Variants in KLHL32 observed in about 807,000 individuals in gnomAD.
KLHL32 encodes the protein kelch-like protein 32.
Under a neutral mutation model 64.8 loss-of-function variants are expected in KLHL32, and 35 were observed. That is an observed-to-expected ratio of 0.54 (90% confidence interval 0.41 to 0.72). The LOEUF (loss-of-function observed/expected upper bound fraction) is 0.72. KLHL32 is among the 30% of genes least tolerant of loss of function. The pLI, the probability that KLHL32 is intolerant of heterozygous loss-of-function variation, is 0.00. For synonymous variants in KLHL32, 259 were observed against 281.0 expected (o/e 0.92, Z 0.78); for missense variants, 589 against 768.5 (o/e 0.77, Z 2.76).
chr6:96,906,322 T>C, the KLHL32 span, among the ~76,000 whole-genome samples: 1 of 152,090 alleles, frequency 6.6e-6, no homozygotes, highest in African/African-American at 2.4e-5. Context: ...ACAGCAAGAA[T>C]AAAGTTGGGG....
chr6:97,079,966 T>G (rs2128172872), intron 5 of KLHL32, among the ~76,000 whole-genome samples: 1 of 152,300 alleles, frequency 6.6e-6, no homozygotes, highest in South Asian at 2.1e-4. Flanking sequence ...ACTTACATTT[T>G]TAAGTCACAG....
chr6:97,109,209 T>C (rs1392180033), intron 6 of KLHL32, among the ~76,000 whole-genome samples: 2 of 152,186 alleles, frequency 1.3e-5, no homozygotes, highest in African/African-American at 2.4e-5. Context: ...GGTGACAAGA[T>C]GGTTAGTTGT....
At chr6:96,972,933 C>T (rs1379427739) in intron 2 of KLHL32, among the ~76,000 whole-genome samples, 3 of 152,286 alleles carry the variant, frequency 2.0e-5, no homozygotes, top group Non-Finnish European at 2.9e-5. Context: ...TGTGCCTTAA[C>T]ATTTAGAGGG....
At chr6:97,037,290 C>G (rs574388104) in intron 3 of KLHL32, among the ~76,000 whole-genome samples, 67 of 152,110 alleles carry the variant, frequency 4.4e-4, no homozygotes, top group Non-Finnish European at 7.8e-4. Context: ...ATAAAACTCT[C>G]TAATGCAGTG....
Position 96,980,916 on chromosome 6 carries a change from C to A in KLHL32, c.204+4739C>A, listed in dbSNP as rs182571551. On this transcript the variant is annotated intron_variant, in intron 3 of 10. Coordinates refer to ENST00000369261, the MANE Select transcript of KLHL32 (RefSeq NM_052904.4). ...TCACAGTTCTACAGGGCTGGGGAGA[C>A]CTCAATAAACTTACAATCATGGCAG... Among the ~76,000 whole-genome samples, 21 of 151,674 alleles carry A rather than the reference C, an allele frequency of 1.4e-4. No individual in the cohort carries two copies. The East Asian group carries it at 3.7e-3, about 27-fold the overall frequency.
chr6:97,091,981 CT>C (rs11340950), intron 6 of KLHL32, among the ~76,000 whole-genome samples: 47,028 of 132,236 alleles, frequency 0.36, 6,561 homozygotes, highest in South Asian at 0.46. Context: ...CTCTTTCTTT[CT>C]TTTTTTTTTT....
At chr6:97,118,607 G>A (rs550501974) in intron 7 of KLHL32, among the ~76,000 whole-genome samples, 6 of 92,170 alleles carry the variant, frequency 6.5e-5, no homozygotes, top group African/African-American at 2.5e-4. Flanking sequence ...CAAGAAAAGC[G>A]AAACTGCATC....
At chr6:97,130,706 C>G (rs767625250) in intron 8 of KLHL32, 51 bp from the exon 9 acceptor site, 1 of 1,483,832 alleles carries the variant, frequency 6.7e-7, no homozygotes, top group Non-Finnish European at 9.1e-7. Context: ...TTGCTGTTTT[C>G]TGACATGGAG....
chr6:96,931,770 A>G (rs927296368), intron 1 of KLHL32, among the ~76,000 whole-genome samples: 3 of 152,198 alleles, frequency 2.0e-5, no homozygotes, highest in African/African-American at 7.2e-5. Flanking sequence ...GAGATTGATT[A>G]TAGTGAGATG....
chr6:97,054,583 C>T (rs1414528489), intron 4 of KLHL32, among the ~76,000 whole-genome samples: 2 of 152,188 alleles, frequency 1.3e-5, no homozygotes, highest in Non-Finnish European at 2.9e-5. Context: ...AAAAGTTGCA[C>T]TAATTCAGGT....
intron 3 of KLHL32, among the ~76,000 whole-genome samples, chr6:97,022,651 G>A (rs1379729233): frequency 6.6e-6 from 1 of 151,382 alleles, no homozygotes; most frequent in Non-Finnish European, 1.5e-5. Context: ...TGTATTTTTA[G>A]TAGAGATGGG....
Position 96,953,449 on chromosome 6 carries a change from G to A in KLHL32, c.-65-13547G>A, listed in dbSNP as rs112431010. ...GTTCAAGACCAGCTTGACCAACATGGCGAAACCCTGTTTGTACTAAAAATA... is the reference window on the plus strand; with the variant it reads ...GTTCAAGACCAGCTTGACCAACATGACGAAACCCTGTTTGTACTAAAAATA... On this transcript the variant is annotated intron_variant, in intron 1 of 10. Transcript: ENST00000369261. 9.6e-3 allele frequency among the ~76,000 whole-genome samples: 1,462 copies of A among 152,162 alleles called. 41 individuals carry two copies. The highest frequency in any genetic ancestry group is 0.034 in the African/African-American group (1,404 of 41,502).
At chr6:96,923,550 T>C (rs850585), upstream of KLHL32, among the ~76,000 whole-genome samples, 88,778 of 151,880 alleles carry the variant, frequency 0.58, 26,509 homozygotes, top group African/African-American at 0.7. Flanking sequence ...ACAGATAACC[T>C]CCAGAGGGAG....
chr6:97,100,799 CTTTTT>C (rs763909891), intron 6 of KLHL32, among the ~76,000 whole-genome samples: 1 of 96,274 alleles, frequency 1.0e-5, no homozygotes, highest in Admixed American at 1.2e-4. Context: ...GCTCATTATT[CTTTTT>C]TTTTTTTTTT....
chr6:96,925,818 T>A (rs1769073116), intron 1 of KLHL32, among the ~76,000 whole-genome samples: 1 of 152,220 alleles, frequency 6.6e-6, no homozygotes, highest in Non-Finnish European at 1.5e-5. Context: ...CCTCTGCTCA[T>A]TTCTGAGAAG....
chr6:96,995,076 T>A (rs1252352224), intron 3 of KLHL32, among the ~76,000 whole-genome samples: 1 of 152,210 alleles, frequency 6.6e-6, no homozygotes, highest in Non-Finnish European at 1.5e-5. Flanking sequence ...CCTATGTTTT[T>A]TCATCTATAC....
chr6:97,024,072 G>A (rs898702377), intron 3 of KLHL32, among the ~76,000 whole-genome samples: 2 of 152,206 alleles, frequency 1.3e-5, no homozygotes, highest in African/African-American at 2.4e-5. Flanking sequence ...TCCACTTTGT[G>A]TCTGATGATT....
the KLHL32 span, among the ~76,000 whole-genome samples, chr6:96,911,920 C>T: frequency 7.3e-5 from 10 of 136,718 alleles, no homozygotes; most frequent in South Asian, 2.4e-4. Flanking sequence ...AGGCTCTTGG[C>T]GCTCCTCACT....
chr6:97,135,791 T>C (rs375051680), intron 10 of KLHL32, among the ~76,000 whole-genome samples: 1 of 152,216 alleles, frequency 6.6e-6, no homozygotes, highest in African/African-American at 2.4e-5. Flanking sequence ...TTTTATGTTA[T>C]GGATGACGAT....
Sources: gnomAD v4.1 joint callset for allele counts (sites outside exome capture counted in the v4.1 genomes callset) on GRCh38, gnomAD v4.1.1 for gene constraint, MANE v1.5 for transcripts, NCBI Gene and HGNC (gene_info 2026-07-23, HGNC 2026-07-21) for gene names.